Variants in NKAIN3 observed in about 807,000 individuals in gnomAD.
NKAIN3 encodes the protein sodium/potassium-transporting ATPase subunit beta-1-interacting protein 3.
Under a neutral mutation model 30.2 loss-of-function variants are expected in NKAIN3, and 25 were observed. That is an observed-to-expected ratio of 0.83 (90% CI 0.60 to 1.16). The LOEUF is 1.16. NKAIN3 is among the 50% of genes most tolerant of loss of function. The pLI is 0.00. For synonymous variants in NKAIN3, 91 were observed against 89.6 expected (o/e 1.02, Z -0.09); for missense variants, 225 against 254.1 (o/e 0.89, Z 0.78).
chr8:62,495,585 T>C, intron 1 of NKAIN3, among the ~76,000 whole-genome samples: 2 of 149,826 alleles, frequency 1.3e-5, no homozygotes, highest in South Asian at 4.2e-4. Flanking sequence ...TAATATAAAA[T>C]TTATGTTCTT....
At chr8:62,944,099 A>G (rs1189356896) in intron 5 of NKAIN3, among the ~76,000 whole-genome samples, 4 of 152,082 alleles carry the variant, frequency 2.6e-5, no homozygotes, top group Admixed American at 2.0e-4. Flanking sequence ...CTCAGAAATC[A>G]TCACTAAAGA....
intron 3 of NKAIN3, among the ~76,000 whole-genome samples, chr8:62,677,006 A>G (rs1293132615): frequency 6.6e-6 from 1 of 152,152 alleles, no homozygotes; most frequent in Non-Finnish European, 1.5e-5. Flanking sequence ...GACGTGAGCC[A>G]CTGCACCGGC....
rs1820305594 is a variant in NKAIN3, at chr8:62,863,121, A to C, written c.472-55332A>C. Reference sequence around the variant, plus strand: ...GGTATTCCCCATCCTGCTCATTGGAAGGTGCAGCTGAGGTGATGTTTTCTT... The same window carrying C: ...GGTATTCCCCATCCTGCTCATTGGACGGTGCAGCTGAGGTGATGTTTTCTT... On this transcript the variant is annotated intron_variant, in intron 4 of 6. Coordinates refer to ENST00000623646, the MANE Select transcript of NKAIN3 (RefSeq NM_001304533.3). The C allele has an allele frequency of 8.5e-6, 12 of 1,412,066 alleles. No homozygotes were observed. In the South Asian group the frequency reaches 1.4e-4, roughly 16 times the overall value. 87.5% of individuals were successfully genotyped at this position (1,412,066 alleles called of 1,614,324 possible). A position where few individuals can be genotyped will look rare whatever the true frequency, so the allele number is the denominator to read the frequency against.
At chr8:62,583,112 CT>C (rs1340865027) in intron 2 of NKAIN3, among the ~76,000 whole-genome samples, 1 of 152,142 alleles carries the variant, frequency 6.6e-6, no homozygotes, top group Non-Finnish European at 1.5e-5. Context: ...ATGTTTATGT[CT>C]TCTAGGCAAA....
At chr8:62,673,030 C>T (rs1338503537) in intron 3 of NKAIN3, among the ~76,000 whole-genome samples, 1 of 152,102 alleles carries the variant, frequency 6.6e-6, no homozygotes, top group Non-Finnish European at 1.5e-5. Context: ...TTGCAATAGC[C>T]ATGTGATTTT....
At chr8:62,617,208 C>G (rs1360680308) in intron 3 of NKAIN3, among the ~76,000 whole-genome samples, 2 of 152,114 alleles carry the variant, frequency 1.3e-5, no homozygotes, top group African/African-American at 2.4e-5. Flanking sequence ...GTAAATTACC[C>G]AGTCTCAGAT....
chr8:62,584,948 G>T (rs967715537), intron 2 of NKAIN3, among the ~76,000 whole-genome samples: 1 of 152,150 alleles, frequency 6.6e-6, no homozygotes, highest in African/African-American at 2.4e-5. Flanking sequence ...TGTGTTCTAG[G>T]CCAATTCCTG....
chr8:62,506,916 T>C (rs949470564), intron 1 of NKAIN3, among the ~76,000 whole-genome samples: 9 of 152,202 alleles, frequency 5.9e-5, no homozygotes, highest in Admixed American at 3.9e-4. Context: ...CGACACCTGA[T>C]GTAGAATTGA....
intron 1 of NKAIN3, among the ~76,000 whole-genome samples, chr8:62,484,762 T>A (rs1239121289): frequency 2.0e-5 from 3 of 152,168 alleles, no homozygotes; most frequent in Non-Finnish European, 4.4e-5. Flanking sequence ...GGAACCTGGG[T>A]CTTGGGCCAT....
chr8:62,966,018 G>A lies in NKAIN3; in HGVS notation c.*611G>A, dbSNP rs1336467790. 3.0e-6 allele frequency: 3 copies of A among 984,684 alleles called. No homozygotes were observed. The highest frequency in any genetic ancestry group is 3.6e-6 in the Non-Finnish European group (3 of 829,476). The allele number at this position is 984,684 out of a possible 1,614,324, so 61.0% of individuals were successfully genotyped here. ...TGGCAATCTAAATTTTCAGATTCGT[G>A]CATATCTTGTTTTTCCTGATATATA... On this transcript the variant is annotated 3_prime_UTR_variant, in exon 7 of 7. Transcript: ENST00000623646.
chr8:62,454,572 G>T (rs1157693412), intron 1 of NKAIN3, among the ~76,000 whole-genome samples: 3 of 152,052 alleles, frequency 2.0e-5, no homozygotes, highest in African/African-American at 7.2e-5. Context: ...AATTAGTGAA[G>T]ACTTTCTGCA....
intron 1 of NKAIN3, among the ~76,000 whole-genome samples, chr8:62,515,276 G>A (rs570806887): frequency 1.3e-5 from 2 of 151,974 alleles, no homozygotes; most frequent in Non-Finnish European, 2.9e-5. Context: ...TTTTTAGTTA[G>A]CAAATAAAAA....
intron 1 of NKAIN3, among the ~76,000 whole-genome samples, chr8:62,541,700 T>G (rs1317462560): frequency 2.0e-5 from 3 of 152,168 alleles, no homozygotes; most frequent in African/African-American, 7.2e-5. Flanking sequence ...CTTATTTTTT[T>G]CATCTATTAT....
At chr8:62,925,752 C>T (rs530299450) in intron 5 of NKAIN3, among the ~76,000 whole-genome samples, 3 of 152,246 alleles carry the variant, frequency 2.0e-5, no homozygotes, top group African/African-American at 4.8e-5. Context: ...GTGATTTCAA[C>T]GTGTGATCAG....
At chr8:62,667,204 G>A (rs769526710) in intron 3 of NKAIN3, among the ~76,000 whole-genome samples, 4 of 149,952 alleles carry the variant, frequency 2.7e-5, no homozygotes, top group Non-Finnish European at 5.9e-5. Flanking sequence ...TGTAAATGAC[G>A]AGTTGATGGG....
intron 1 of NKAIN3, among the ~76,000 whole-genome samples, chr8:62,439,399 A>G (rs1474086934): frequency 1.3e-5 from 2 of 152,292 alleles, no homozygotes; most frequent in East Asian, 3.9e-4. Context: ...ATCCCAGCCA[A>G]CCCATGCTTT....
intron 3 of NKAIN3, among the ~76,000 whole-genome samples, chr8:62,696,051 A>G (rs756123616): frequency 6.6e-6 from 1 of 152,208 alleles, no homozygotes; most frequent in Non-Finnish European, 1.5e-5. Flanking sequence ...AAGTTTTTAT[A>G]TACACAAACA....
intron 1 of NKAIN3, among the ~76,000 whole-genome samples, chr8:62,399,484 G>T (rs1275585959): frequency 3.3e-5 from 5 of 152,132 alleles, no homozygotes; most frequent in African/African-American, 1.2e-4. Context: ...CAGCCCAGGT[G>T]TAAGAGGCAG....
chr8:62,699,062 T>C (rs1029704632), intron 3 of NKAIN3, among the ~76,000 whole-genome samples: 15 of 152,228 alleles, frequency 9.9e-5, no homozygotes, highest in Admixed American at 9.2e-4. Context: ...GGATATGCTG[T>C]TGTCATTAGA....
Sources: gnomAD v4.1 joint callset for allele counts (sites outside exome capture counted in the v4.1 genomes callset) on GRCh38, gnomAD v4.1.1 for gene constraint, MANE v1.5 for transcripts, NCBI Gene and HGNC (gene_info 2026-07-23, HGNC 2026-07-21) for gene names.